LHFPL3: variants seen among roughly 807,000 people sequenced by gnomAD.
The protein encoded by LHFPL3 is LHFPL tetraspan subfamily member 3 protein.
A neutral mutation model predicts 19.3 loss-of-function variants in LHFPL3; 5 were observed. The observed-to-expected ratio is 0.26, with a 90% confidence interval of 0.14 to 0.54. The LOEUF (loss-of-function observed/expected upper bound fraction) is 0.54, where lower values mean the gene tolerates loss of function less well. LHFPL3 is among the 20% of genes least tolerant of loss of function. LHFPL3 has a pLI of 0.94. For missense variants in LHFPL3, 249 were observed against 307.4 expected (o/e 0.81, Z 1.42); for synonymous variants, 133 against 126.2 (o/e 1.05, Z -0.36).
chr7:104,441,463 T>C (rs933846592), intron 1 of LHFPL3, among the ~76,000 whole-genome samples: 9 of 152,260 alleles, frequency 5.9e-5, no homozygotes, highest in African/African-American at 7.2e-5. Context: ...TTACATTTTC[T>C]TTATCCATTA....
rs573789808 is a variant in LHFPL3, at chr7:104,520,158, G to C, written c.445+190934G>C. On this transcript the variant is annotated intron_variant, in intron 1 of 2. Transcript: ENST00000424859. ...TTTATTGAGAGTTTTTAGCATGAAG[G>C]GTTGTTGAATTTTGTCAAAGGCCTT... Among the ~76,000 whole-genome samples the C allele has an allele frequency of 2.1e-4, 32 of 151,964 alleles. No individual in the cohort carries two copies. The South Asian group carries it at 3.5e-3, about 17-fold the overall frequency.
At chr7:104,712,092 G>A (rs1324415577) in intron 1 of LHFPL3, among the ~76,000 whole-genome samples, 2 of 152,190 alleles carry the variant, frequency 1.3e-5, no homozygotes, top group African/African-American at 4.8e-5. Flanking sequence ...ATGATGAGGA[G>A]ATTATTTTAG....
intron 2 of LHFPL3, among the ~76,000 whole-genome samples, chr7:104,836,301 TCTAA>T (rs889155614): frequency 3.9e-5 from 6 of 152,148 alleles, no homozygotes; most frequent in African/African-American, 1.2e-4. Flanking sequence ...TGGATTTTAC[TCTAA>T]CTGTGATGGG....
At chr7:104,692,167 T>C (rs1792916991) in intron 1 of LHFPL3, among the ~76,000 whole-genome samples, 1 of 152,200 alleles carries the variant, frequency 6.6e-6, no homozygotes, top group African/African-American at 2.4e-5. Flanking sequence ...AAGAATTCAG[T>C]TTTATGTATT....
intron 2 of LHFPL3, chr7:104,786,689 G>GGGGTGTGTGTGTGTGT (rs1554344743): frequency 1.5e-5 from 2 of 129,876 alleles, no homozygotes; most frequent in African/African-American, 5.4e-5. Flanking sequence ...GTGTGTGTGG[G>GGGGTGTGTGTGTGTGT]GTGTGTGTGT....
intron 1 of LHFPL3, among the ~76,000 whole-genome samples, chr7:104,576,720 C>A (rs780443072): frequency 6.6e-6 from 1 of 152,114 alleles, no homozygotes; most frequent in Admixed American, 6.5e-5. Context: ...GCCCCCAGTG[C>A]CTTCAGTCAT....
At chr7:104,384,799 A>AAAAAAAAAAAAG (rs1562881224) in intron 1 of LHFPL3, among the ~76,000 whole-genome samples, 5 of 144,906 alleles carry the variant, frequency 3.5e-5, no homozygotes, top group Admixed American at 2.8e-4. Flanking sequence ...AAAAAAAAAA[A>AAAAAAAAAAAAG]AAAAAAAAAA....
intron 2 of LHFPL3, among the ~76,000 whole-genome samples, chr7:104,858,434 C>T (rs192630175): frequency 6.6e-6 from 1 of 152,298 alleles, no homozygotes; most frequent in Admixed American, 6.5e-5. Context: ...TGGAGAAAGA[C>T]CCCAAACATG....
chr7:104,631,211 A>G (rs777853088), intron 1 of LHFPL3, among the ~76,000 whole-genome samples: 3 of 152,232 alleles, frequency 2.0e-5, no homozygotes, highest in Non-Finnish European at 2.9e-5. Flanking sequence ...GCAATGAAGT[A>G]TAAGTTTGCA....
chr7:104,788,667 A>T (rs1789967954), intron 2 of LHFPL3, among the ~76,000 whole-genome samples: 3 of 152,110 alleles, frequency 2.0e-5, no homozygotes. Context: ...TGACTTCCTC[A>T]TGTGAAAGCT....
intron 2 of LHFPL3, among the ~76,000 whole-genome samples, chr7:104,741,808 C>A (rs935089586): frequency 1.5e-4 from 23 of 152,144 alleles, no homozygotes; most frequent in Admixed American, 1.4e-3. Context: ...CCTCCCAAAG[C>A]AGCAGGATTA....
chr7:104,668,502 G>A, intron 1 of LHFPL3: 2 of 1,613,116 alleles, frequency 1.2e-6, no homozygotes, highest in Non-Finnish European at 1.7e-6. Context: ...TGGTGGCCGG[G>A]ATCGCTATGA....
chr7:104,532,214 T>A (rs1463590017), intron 1 of LHFPL3, among the ~76,000 whole-genome samples: 4 of 151,412 alleles, frequency 2.6e-5, no homozygotes, highest in Non-Finnish European at 5.9e-5. Context: ...AGTCCTGGGC[T>A]CAAGCCATCC....
At chr7:104,524,498 C>T (rs1794144895) in intron 1 of LHFPL3, among the ~76,000 whole-genome samples, 1 of 152,122 alleles carries the variant, frequency 6.6e-6, no homozygotes. Context: ...TTCCAGTCAG[C>T]TTGGAGTGTC....
At chr7:104,354,152 AT>A (rs1414866199) in intron 1 of LHFPL3, among the ~76,000 whole-genome samples, 1 of 152,050 alleles carries the variant, frequency 6.6e-6, no homozygotes, top group African/African-American at 2.4e-5. Context: ...CCATTTGTTT[AT>A]TTTTAAACTG....
At chr7:104,373,786 T>C (rs777617960) in intron 1 of LHFPL3, among the ~76,000 whole-genome samples, 30 of 152,114 alleles carry the variant, frequency 2.0e-4, no homozygotes, top group Non-Finnish European at 3.7e-4. Context: ...AAGCTAGACT[T>C]TTAATTAATC....
chr7:104,630,350 TA>T (rs1480121688), intron 1 of LHFPL3, among the ~76,000 whole-genome samples: 70 of 152,048 alleles, frequency 4.6e-4, no homozygotes, highest in Non-Finnish European at 2.8e-4. Flanking sequence ...CAGAAGGAAA[TA>T]AACATGGAAT....
Position 104,681,402 on chromosome 7 carries a change from A to T in LHFPL3, c.446-55273A>T, listed in dbSNP as rs956266895. On this transcript the variant is annotated intron_variant, in intron 1 of 2. Transcript: ENST00000424859. ...CACTTTGGGAGGCCAAGGCAGGTAG[A>T]TCACAAGGTCAGAAGATCAAGACCA... Among the ~76,000 whole-genome samples the T allele has an allele frequency of 5.9e-5, 9 of 152,108 alleles. No individual in the cohort carries two copies. The East Asian group carries it at 1.7e-3, about 29-fold the overall frequency.
At chr7:104,756,797 G>T (rs1333400973) in intron 2 of LHFPL3, among the ~76,000 whole-genome samples, 2 of 152,192 alleles carry the variant, frequency 1.3e-5, no homozygotes, top group African/African-American at 2.4e-5. Context: ...ACTATGCCCA[G>T]CCCACAGTGT....
Sources: gnomAD v4.1 joint callset for allele counts (sites outside exome capture counted in the v4.1 genomes callset) on GRCh38, gnomAD v4.1.1 for gene constraint, MANE v1.5 for transcripts, NCBI Gene and HGNC (gene_info 2026-07-23, HGNC 2026-07-21) for gene names.